KCNH5: variants seen among roughly 807,000 people sequenced by gnomAD.
KCNH5 encodes voltage-gated delayed rectifier potassium channel KCNH5.
Under a neutral mutation model 96.1 loss-of-function variants are expected in KCNH5, and 46 were observed. The ratio of observed to expected loss-of-function variants is 0.48; its 90% confidence interval spans 0.38 to 0.61. The LOEUF is 0.61. KCNH5 is among the 20% of genes least tolerant of loss of function. The pLI is 0.00. For missense variants in KCNH5, 907 were observed against 1,225.8 expected (o/e 0.74, Z 3.88); for synonymous variants, 439 against 449.8 (o/e 0.98, Z 0.30).
chr14:62,905,424 G>C (rs1020110771), intron 7 of KCNH5, among the ~76,000 whole-genome samples: 1 of 152,112 alleles, frequency 6.6e-6, no homozygotes, highest in Non-Finnish European at 1.5e-5. Flanking sequence ...GTAACTATAA[G>C]ATAAAAGTTT....
At chr14:62,712,578 G>T (rs1406006401) in intron 10 of KCNH5, 2 of 714,594 alleles carry the variant, frequency 2.8e-6, no homozygotes. Context: ...CCACTCTCCT[G>T]CTCCTCAAGG....
chr14:62,951,999 G>C (rs1890017398), intron 6 of KCNH5, among the ~76,000 whole-genome samples: 1 of 148,330 alleles, frequency 6.7e-6, no homozygotes, highest in African/African-American at 2.5e-5. Context: ...AGTTAAGAAT[G>C]CATCTGGTTT....
chr14:63,036,777 A>G (rs1891729759), intron 1 of KCNH5, among the ~76,000 whole-genome samples: 1 of 152,136 alleles, frequency 6.6e-6, no homozygotes, highest in African/African-American at 2.4e-5. Context: ...GGAGGAGGAG[A>G]GGAACAAAAA....
intron 10 of KCNH5, among the ~76,000 whole-genome samples, chr14:62,769,302 C>T (rs1595614215): frequency 6.6e-6 from 1 of 152,232 alleles, no homozygotes; most frequent in Non-Finnish European, 1.5e-5. Flanking sequence ...CTACTGCCAG[C>T]AGGGCCAGTA....
At chr14:62,751,301 C>A (rs1474597267) in intron 10 of KCNH5, among the ~76,000 whole-genome samples, 1 of 152,080 alleles carries the variant, frequency 6.6e-6, no homozygotes, top group Non-Finnish European at 1.5e-5. Context: ...TTCCCCTGAC[C>A]ATACAGTTTT....
intron 1 of KCNH5, among the ~76,000 whole-genome samples, chr14:63,027,690 A>C (rs1170297622): frequency 6.6e-6 from 1 of 152,002 alleles, no homozygotes; most frequent in African/African-American, 2.4e-5. Flanking sequence ...TTTTTAAAAA[A>C]TTTTTAAGAA....
intron 7 of KCNH5, among the ~76,000 whole-genome samples, chr14:62,861,780 C>G (rs1404222163): frequency 4.0e-5 from 6 of 151,896 alleles, no homozygotes; most frequent in Non-Finnish European, 7.4e-5. Flanking sequence ...CTTTAAAGCA[C>G]AAAATAAGAA....
At chr14:62,797,777 G>A (rs1160304639) in intron 9 of KCNH5, among the ~76,000 whole-genome samples, 6 of 151,202 alleles carry the variant, frequency 4.0e-5, no homozygotes, top group African/African-American at 9.7e-5. Context: ...GTACAGTGGC[G>A]TGATCTCAGC....
chr14:62,944,280 A>G (rs1348897175), intron 7 of KCNH5, among the ~76,000 whole-genome samples: 1 of 152,152 alleles, frequency 6.6e-6, no homozygotes, highest in Non-Finnish European at 1.5e-5. Flanking sequence ...AAAAGAGTCT[A>G]TCATTTGCAA....
intron 10 of KCNH5, among the ~76,000 whole-genome samples, chr14:62,732,155 A>G (rs1885063749): frequency 6.6e-6 from 1 of 152,184 alleles, no homozygotes; most frequent in Non-Finnish European, 1.5e-5. Flanking sequence ...CTATCAGCAG[A>G]AGGCATATCA....
At chr14:62,865,064 T>C (rs1888107780) in intron 7 of KCNH5, among the ~76,000 whole-genome samples, 1 of 152,110 alleles carries the variant, frequency 6.6e-6, no homozygotes, top group Non-Finnish European at 1.5e-5. Context: ...TGAAAGGCCA[T>C]GCCTACTTAC....
intron 10 of KCNH5, 107 bp from the exon 11 acceptor site, chr14:62,708,562 T>C: frequency 1.5e-6 from 1 of 648,328 alleles, no homozygotes; most frequent in Non-Finnish European, 2.4e-6. Context: ...AACCCTTGAA[T>C]ATTTGATAAG....
At chr14:62,729,760 G>A (rs1447833473) in intron 10 of KCNH5, among the ~76,000 whole-genome samples, 1 of 152,130 alleles carries the variant, frequency 6.6e-6, no homozygotes, top group Non-Finnish European at 1.5e-5. Context: ...CTAGCTAAGG[G>A]AACATGAGCA....
intron 10 of KCNH5, among the ~76,000 whole-genome samples, chr14:62,749,595 G>T (rs1885452662): frequency 1.3e-5 from 2 of 152,198 alleles, no homozygotes. Context: ...GTCCCAAGTT[G>T]ATCACATAAC....
chr14:62,748,638 C>A (rs975816051), intron 10 of KCNH5, among the ~76,000 whole-genome samples: 1 of 152,096 alleles, frequency 6.6e-6, no homozygotes, highest in Non-Finnish European at 1.5e-5. Context: ...CTTCTTCAGG[C>A]TGAATAGGGG....
At chr14:62,824,936 A>C (rs1049638710) in intron 8 of KCNH5, among the ~76,000 whole-genome samples, 24 of 151,860 alleles carry the variant, frequency 1.6e-4, no homozygotes, top group African/African-American at 5.6e-4. Flanking sequence ...AAAGGACACG[A>C]TTTCATTGTT....
intron 6 of KCNH5, among the ~76,000 whole-genome samples, chr14:62,958,735 T>C (rs890574081): frequency 2.0e-5 from 3 of 152,106 alleles, no homozygotes; most frequent in African/African-American, 7.2e-5. Context: ...CCTGGCTCAA[T>C]TACCAGCTTT....
chr14:62,895,025 T>C (rs1888783292), intron 7 of KCNH5, among the ~76,000 whole-genome samples: 1 of 151,936 alleles, frequency 6.6e-6, no homozygotes, highest in Non-Finnish European at 1.5e-5. Context: ...GAAAGGAGAG[T>C]TGACATTCAG....
rs116297756 is a variant in KCNH5, at chr14:62,826,282, A to T, written c.1569+23371T>A. On this transcript the variant is annotated intron_variant, in intron 8 of 10. Transcript: ENST00000322893. The stretch of plus-strand genomic sequence containing the variant: ...AGCTTCATTGTGAATCATGTTCTTT[A>T]TGCAGCCAAATGCATTTTGCCAAAT... 7.9e-3 allele frequency among the ~76,000 whole-genome samples: 1,200 copies of T among 152,114 alleles called. 15 individuals are homozygous for T. The highest frequency in any genetic ancestry group is 0.027 in the African/African-American group (1,111 of 41,522).
Sources: gnomAD v4.1 joint callset for allele counts (sites outside exome capture counted in the v4.1 genomes callset) on GRCh38, gnomAD v4.1.1 for gene constraint, MANE v1.5 for transcripts, NCBI Gene and HGNC (gene_info 2026-07-23, HGNC 2026-07-21) for gene names.